The following INPP5F variants were observed in gnomAD, a reference collection of about 807,000 sequenced individuals.
The protein encoded by INPP5F is phosphatidylinositide 4-phosphatase SAC2.
In INPP5F, 97 loss-of-function variants were observed where a neutral mutation model predicts 137.2. That is an observed-to-expected ratio of 0.71 (90% CI 0.60 to 0.84). INPP5F has a LOEUF of 0.84. Among genes scored for constraint, INPP5F ranks in the 40% least tolerant of loss-of-function variants. INPP5F has a pLI of 0.00. For missense variants in INPP5F, 1,271 were observed against 1,371.9 expected, an observed-to-expected ratio of 0.93 and a Z score of 1.16; for synonymous variants, 504 against 476.9, an observed-to-expected ratio of 1.06 and a Z score of -0.74.
Position 119,823,125 on chromosome 10 carries a change from A to G in INPP5F, c.2087A>G (p.Tyr696Cys). ...KPKFSCMRLH[Y>C]RYKEASGYFH... is the part of the protein sequence containing the mutation. The stretch of plus-strand genomic sequence containing the variant: ...AAGTTCTCCTGCATGCGACTGCACT[A>G]CAGATACAAAGAAGCGAGTGGCTAT... Residue 696 changes from tyrosine to cysteine, a missense_variant, in exon 18 of 20, where the codon TAC (tyrosine) becomes TGC (cysteine). This residue lies in a region of INPP5F where 593 missense variants were observed against 712.4 expected (regional missense o/e 0.83). Transcript: ENST00000650623. 2.5e-6 allele frequency: 4 copies of G among 1,614,162 alleles called. No homozygotes were observed. Among genetic ancestry groups the G allele is most frequent in the East Asian group, 2.2e-5 (1 of 44,878 alleles).
At position 119,828,493 on chromosome 10, in the gene INPP5F, A is replaced by T. The variant is rs1564861684; in HGVS notation, c.*713A>T. 1 of 152,188 alleles carries T rather than the reference A, an allele frequency of 6.6e-6. No homozygotes were observed. The highest frequency in any genetic ancestry group is 1.5e-5 in the Non-Finnish European group (1 of 68,052). 9.4% of individuals were successfully genotyped at this position (152,188 alleles called of 1,614,324 possible). A position where few individuals can be genotyped will look rare whatever the true frequency, so the allele number is the denominator to read the frequency against. ...TTCATTTTGCTGTTTTCAGGAATGT[A>T]AGAACACCCATATTGGCTACTGGAA... On this transcript the variant is annotated 3_prime_UTR_variant, in exon 20 of 20. Coordinates refer to ENST00000650623, the MANE Select transcript of INPP5F (RefSeq NM_014937.4).
Position 119,726,343 on chromosome 10 carries a change from C to G in INPP5F, c.81C>G (p.Gly27=), listed in dbSNP as rs967076610. The G allele has an allele frequency of 6.9e-7, 1 of 1,443,592 alleles. No individual in the cohort carries two copies. The highest frequency in any genetic ancestry group is 9.2e-7 in the Non-Finnish European group (1 of 1,092,826). 89.4% of individuals were successfully genotyped at this position (1,443,592 alleles called of 1,614,324 possible). Residue 27 remains glycine, a synonymous_variant, in exon 1 of 20, where the codon GGC becomes GGG. Coordinates refer to ENST00000650623, the MANE Select transcript of INPP5F (RefSeq NM_014937.4). ...RALWCSRRDG[G]LQLRPATDLL... is the part of the protein sequence containing the mutation. ...TGTGGTGCAGCCGCCGCGACGGCGG[C>G]CTCCAGCTCCGACCCGGTGAGGCTG...
intron 2 of INPP5F, among the ~76,000 whole-genome samples, chr10:119,769,283 T>C (rs758777723): frequency 2.0e-5 from 3 of 152,126 alleles, no homozygotes; most frequent in Non-Finnish European, 2.9e-5. Context: ...AGTCGGTTAA[T>C]TTTAAAAATT....
rs1396565712 is a variant in INPP5F, at chr10:119,811,825, G to A, written c.1756G>A (p.Ala586Thr). Residue 586 changes from alanine to threonine, a missense_variant, in exon 15 of 20, where the codon GCT (alanine) becomes ACT (threonine). Around this residue, in one of 6 missense-constraint regions of INPP5F, gnomAD observed 593 missense variants for 712.4 expected, o/e 0.83. Coordinates refer to ENST00000650623, the MANE Select transcript of INPP5F (RefSeq NM_014937.4). ...SIFTKEKEHE[A>T]LHKENQRSHQ... is the part of the protein sequence containing the mutation. ...ATTTACCAAGGAGAAAGAACATGAA[G>A]CTTTGCATAAGGAAAATCAGAGAAG... 6.2e-7 allele frequency: 1 copy of A among 1,614,116 alleles called. No individual in the cohort carries two copies. The highest frequency in any genetic ancestry group is 1.7e-5 in the Admixed American group (1 of 60,026).
chr10:119,804,271 C>A lies in INPP5F; in HGVS notation c.1215C>A (p.Tyr405Ter). 6.2e-7 allele frequency: 1 copy of A among 1,611,924 alleles called. No individual in the cohort carries two copies. The highest frequency in any genetic ancestry group is 2.2e-5 in the East Asian group (1 of 44,758). Residue 405 changes from tyrosine to a stop codon, truncating the protein, a stop_gained, in exon 10 of 20, where the codon TAC (tyrosine) becomes TAA (stop). Coordinates refer to ENST00000650623, the MANE Select transcript of INPP5F (RefSeq NM_014937.4). LOFTEE classifies it high-confidence loss of function. ...TTTTCAACAACTCACACCTCACTTA[C>A]GTTTCGTTTGACTTCCATGAGCACT... Reference protein sequence around the residue: ...VLLFNNSHLTYVSFDFHEHCR... With the variant: ...VLLFNNSHLT
At chr10:119,751,696 G>C (rs760795790) in intron 2 of INPP5F, among the ~76,000 whole-genome samples, 3 of 152,230 alleles carry the variant, frequency 2.0e-5, no homozygotes, top group Non-Finnish European at 2.9e-5. Flanking sequence ...AATTTTGTTG[G>C]TGGGAAAGTA....
At chr10:119,753,361 A>G (rs1848741704) in intron 2 of INPP5F, among the ~76,000 whole-genome samples, 1 of 152,246 alleles carries the variant, frequency 6.6e-6, no homozygotes, top group South Asian at 2.1e-4. Context: ...TGTTTCATGT[A>G]TCTCTTGTTA....
At chr10:119,745,699 C>CTTTTTT (rs35485618) in intron 1 of INPP5F, among the ~76,000 whole-genome samples, 4 of 90,542 alleles carry the variant, frequency 4.4e-5, no homozygotes, top group African/African-American at 9.1e-5. Flanking sequence ...AGGCTCATTC[C>CTTTTTT]TTTTTTTTTT....
intron 2 of INPP5F, among the ~76,000 whole-genome samples, chr10:119,765,989 G>C (rs1227993692): frequency 6.6e-6 from 1 of 151,744 alleles, no homozygotes; most frequent in Non-Finnish European, 1.5e-5. Flanking sequence ...ATGTGATTAT[G>C]GAGGCTGCCA....
At chr10:119,817,898 G>A (rs1446919386) in intron 15 of INPP5F, among the ~76,000 whole-genome samples, 1 of 152,188 alleles carries the variant, frequency 6.6e-6, no homozygotes, top group Non-Finnish European at 1.5e-5. Context: ...TTTAAAATCT[G>A]TACCAGAGAC....
intron 1 of INPP5F, among the ~76,000 whole-genome samples, chr10:119,739,180 T>A (rs1848302966): frequency 6.6e-6 from 1 of 152,036 alleles, no homozygotes; most frequent in Non-Finnish European, 1.5e-5. Context: ...AGACCTTGTC[T>A]CAAGGGGAAA....
chr10:119,768,787 TCTTC>T (rs1340218780), intron 2 of INPP5F, among the ~76,000 whole-genome samples: 2 of 152,242 alleles, frequency 1.3e-5, no homozygotes, highest in Non-Finnish European at 2.9e-5. Flanking sequence ...ATGCACCTTC[TCTTC>T]CTTTTTACCC....
At chr10:119,785,310 G>T (rs1849854068) in intron 3 of INPP5F, among the ~76,000 whole-genome samples, 1 of 84,164 alleles carries the variant, frequency 1.2e-5, no homozygotes, top group African/African-American at 4.7e-5. Context: ...TTTGGAGACG[G>T]AGCCTCGCTC....
chr10:119,822,014 C>G (rs1851588273), intron 16 of INPP5F, among the ~76,000 whole-genome samples: 2 of 151,880 alleles, frequency 1.3e-5, no homozygotes, highest in South Asian at 4.2e-4. Context: ...CTTCAGCCTC[C>G]TGAGTAGCTG....
chr10:119,776,514 T>C (rs928904319), intron 2 of INPP5F, among the ~76,000 whole-genome samples: 5 of 152,288 alleles, frequency 3.3e-5, no homozygotes, highest in Admixed American at 1.3e-4. Flanking sequence ...ACTATACCTT[T>C]AGATGGTTTA....
intron 9 of INPP5F, among the ~76,000 whole-genome samples, chr10:119,803,505 C>T (rs188907576): frequency 1.1e-4 from 16 of 152,320 alleles, no homozygotes; most frequent in East Asian, 3.9e-4. Flanking sequence ...GCTATTTCTA[C>T]GCTAGTATGA....
intron 6 of INPP5F, among the ~76,000 whole-genome samples, chr10:119,794,294 G>T (rs1037624321): frequency 3.9e-5 from 6 of 152,164 alleles, no homozygotes; most frequent in Non-Finnish European, 7.3e-5. Flanking sequence ...ATTCAACCCT[G>T]AGTGGATACA....
intron 4 of INPP5F, 56 bp downstream of exon 4, chr10:119,791,701 G>C (rs572121802): frequency 2.7e-6 from 4 of 1,467,046 alleles, no homozygotes; most frequent in African/African-American, 2.8e-5. Flanking sequence ...TTTAAATAGA[G>C]AGATAATTCT....
At chr10:119,776,712 G>A (rs544702949) in intron 2 of INPP5F, among the ~76,000 whole-genome samples, 25 of 151,978 alleles carry the variant, frequency 1.6e-4, no homozygotes, top group African/African-American at 5.6e-4. Context: ...GACCCACAGA[G>A]AGAGAGAGAA....
Sources: gnomAD v4.1 joint callset for allele counts (sites outside exome capture counted in the v4.1 genomes callset) on GRCh38, gnomAD v4.1.1 for gene constraint, gnomAD v4.1.1 regional missense constraint, MANE v1.5 for transcripts, NCBI Gene and HGNC (gene_info 2026-07-23, HGNC 2026-07-21) for gene names.